Variants in ZNF76 observed in about 807,000 individuals in gnomAD.
ZNF76 encodes zinc finger protein 523.
A neutral mutation model predicts 66.9 loss-of-function variants in ZNF76; 66 were observed. The observed-to-expected ratio is 0.99, with a 90% CI of 0.81 to 1.21. The LOEUF (loss-of-function observed/expected upper bound fraction) is 1.21. Ranked by LOEUF, ZNF76 falls within the 50% of genes most tolerant of loss-of-function variation. The pLI, the probability that ZNF76 is intolerant of heterozygous loss-of-function variation, is 0.00. For synonymous variants in ZNF76, 275 were observed against 296.1 expected (o/e 0.93, Z 0.73); for missense variants, 729 against 760.3 (o/e 0.96, Z 0.48).
At position 35,295,300 on chromosome 6, in the gene ZNF76, GC is replaced by G; in HGVS notation, c.*54del. 6.8e-7 allele frequency: 1 copy of G among 1,462,176 alleles called. No homozygotes were observed. The highest frequency in any genetic ancestry group is 9.3e-7 in the Non-Finnish European group (1 of 1,070,136). The allele number at this position is 1,462,176 out of a possible 1,614,324, so 90.6% of individuals were successfully genotyped here. A position where few individuals can be genotyped will look rare whatever the true frequency, so the allele number is the denominator to read the frequency against. ...TGCTGGAGGAAGTGCCATCTGCATGGCCACTCTTGCCCCCAAGGGCCCAGGC... is the reference window on the plus strand; with the variant it reads ...TGCTGGAGGAAGTGCCATCTGCATGGCACTCTTGCCCCCAAGGGCCCAGGC... On this transcript the variant is annotated 3_prime_UTR_variant, in exon 14 of 14. Transcript: ENST00000373953.
At chr6:35,288,372 C>T (rs956167452) in intron 5 of ZNF76, 13 of 351,780 alleles carry the variant, frequency 3.7e-5, no homozygotes, top group African/African-American at 2.6e-4. Flanking sequence ...CACAGTAGCT[C>T]AGCTGGAAAG....
In ZNF76 at chr6:35,292,576, G is replaced by A. The variant is rs761177970; in HGVS notation, c.954G>A (p.Thr318=). 1.2e-5 allele frequency: 19 copies of A among 1,612,468 alleles called. No homozygotes were observed. The highest frequency in any genetic ancestry group is 1.1e-4 in the South Asian group (10 of 91,046). The part of the protein sequence containing the change: ...IHTGEKPYVC[T]VPGCGKRFTE... ...CAGGGGAGAAGCCATACGTTTGCAC[G>A]GTGCCAGGCTGCGGGAAACGCTTCA... is the stretch of plus-strand genomic sequence containing the variant. The change falls in exon 10 of 14, where the codon ACG becomes ACA. Residue 318 remains threonine, a synonymous_variant. Coordinates refer to ENST00000373953, the MANE Select transcript of ZNF76 (RefSeq NM_003427.5). This position sits in a 1 kb window ranked among gnomAD's most constrained non-coding sequence, Gnocchi z 4.7.
intron 1 of ZNF76, among the ~76,000 whole-genome samples, chr6:35,274,158 A>G (rs902029382): frequency 6.6e-6 from 1 of 152,164 alleles, no homozygotes; most frequent in Admixed American, 6.5e-5. Flanking sequence ...TTCTCATGAG[A>G]AGTTTTCTAT....
At chr6:35,273,162 AAAAC>A (rs1215935157) in intron 1 of ZNF76, among the ~76,000 whole-genome samples, 11 of 148,830 alleles carry the variant, frequency 7.4e-5, no homozygotes, top group Admixed American at 3.4e-4. Context: ...TCTCAGAAAA[AAAAC>A]AAAAAACAAA....
At chr6:35,288,861 G>A (rs918939147) in intron 5 of ZNF76, among the ~76,000 whole-genome samples, 8 of 151,582 alleles carry the variant, frequency 5.3e-5, no homozygotes, top group African/African-American at 1.7e-4. Flanking sequence ...ACTGGGAAGC[G>A]GAGGTGGGAG....
Position 35,287,818 on chromosome 6 carries a change from G to C in ZNF76, c.405G>C (p.Val135=), listed in dbSNP as rs1460682469. ...ATGAGGGCTTCAGTGCAGACGCAGT[G>C]GTGGCCCTGGAGCAGTATGCCAGCA... ...EDDEGFSADA[V]VALEQYASKV... is the part of the protein sequence containing the mutation. Residue 135 remains valine (V), a synonymous_variant, in exon 5 of 14, where the codon GTG becomes GTC. Transcript: ENST00000373953. The surrounding 1 kb of genome is among the most constrained non-coding windows in gnomAD (Gnocchi z 4.0). The C allele has an allele frequency of 6.2e-7, 1 of 1,605,486 alleles. No homozygotes were observed. Among genetic ancestry groups the C allele is most frequent in the East Asian group, 2.3e-5 (1 of 44,112 alleles).
chr6:35,260,797 T>C (rs576738957), intron 1 of ZNF76, among the ~76,000 whole-genome samples: 82 of 152,320 alleles, frequency 5.4e-4, no homozygotes, highest in South Asian at 8.3e-4. Context: ...TGTGAAATTA[T>C]GCAGTTCTCA....
At chr6:35,263,769 G>A (rs535021593) in intron 1 of ZNF76, among the ~76,000 whole-genome samples, 129 of 152,096 alleles carry the variant, frequency 8.5e-4, no homozygotes, top group African/African-American at 3.1e-3. Flanking sequence ...TTTTCTTTTC[G>A]AGATGGAGTC....
Position 35,290,125 on chromosome 6 carries a change from C to G in ZNF76, c.433-141C>G, listed in dbSNP as rs563469384. 3 of 1,098,510 alleles carry G rather than the reference C, an allele frequency of 2.7e-6. No individual in the cohort carries two copies. In the Admixed American group the frequency reaches 6.8e-5, roughly 25 times the overall value. The allele number at this position is 1,098,510 out of a possible 1,614,324, so 68.0% of individuals were successfully genotyped here. ...CATGCCCCAGCATCTGTTCCTTGTC[C>G]GTCTAGTTATGTTCTTCTGCCCCAG... On this transcript the variant is annotated intron_variant, in intron 5 of 13. Coordinates refer to ENST00000373953, the MANE Select transcript of ZNF76 (RefSeq NM_003427.5).
At chr6:35,283,602 C>A (rs1789102420) in intron 2 of ZNF76, among the ~76,000 whole-genome samples, 1 of 152,168 alleles carries the variant, frequency 6.6e-6, no homozygotes, top group East Asian at 1.9e-4. Context: ...TCCCCACTGC[C>A]TCTCTCCATT....
intron 13 of ZNF76, 24 bp from the exon 14 acceptor site, chr6:35,295,120 C>G: frequency 6.3e-7 from 1 of 1,589,454 alleles, no homozygotes; most frequent in African/African-American, 1.3e-5. Flanking sequence ...CTGTCTCCTT[C>G]CTTCTGCACC....
chr6:35,266,198 G>A (rs1276595243), intron 1 of ZNF76, among the ~76,000 whole-genome samples: 4 of 151,366 alleles, frequency 2.6e-5, no homozygotes, highest in South Asian at 2.1e-4. Flanking sequence ...TGTCGCCCAC[G>A]GTGGAGTGCA....
intron 1 of ZNF76, among the ~76,000 whole-genome samples, chr6:35,273,228 A>G (rs1787394957): frequency 6.6e-6 from 1 of 150,770 alleles, no homozygotes; most frequent in Non-Finnish European, 1.5e-5. Flanking sequence ...TCTGGAGTGC[A>G]GTGGTGTGAT....
chr6:35,266,903 C>T (rs1468229079), intron 1 of ZNF76, among the ~76,000 whole-genome samples: 1 of 149,228 alleles, frequency 6.7e-6, no homozygotes, highest in Non-Finnish European at 1.5e-5. Flanking sequence ...CGGGTTCACG[C>T]CATTCTCCTG....
intron 5 of ZNF76, 21 bp from the exon 6 acceptor site, chr6:35,290,245 A>T (rs1003865171): frequency 1.2e-6 from 2 of 1,613,916 alleles, no homozygotes; most frequent in Non-Finnish European, 1.7e-6. Flanking sequence ...ACATATAGGG[A>T]TCTCAAGACT....
Position 35,291,616 on chromosome 6 carries a change from C to T in ZNF76, c.810C>T (p.Asn270=), listed in dbSNP as rs1215432169. ...GTGGCCGCTCCTTCACCACATCTAA[C>T]ATCCGCAAGGTACATGTGCGCACCC... The part of the protein sequence containing the change: ...EGCGRSFTTS[N]IRKVHVRTHT... The change falls in exon 9 of 14, where the codon AAC becomes AAT. Residue 270 remains asparagine (N), a synonymous_variant. Transcript: ENST00000373953. 1.2e-6 allele frequency: 2 copies of T among 1,613,990 alleles called. No homozygotes were observed. Among genetic ancestry groups the T allele is most frequent in the East Asian group, 2.2e-5 (1 of 44,892 alleles).
chr6:35,295,408 G>A lies in ZNF76; in HGVS notation c.*160G>A, dbSNP rs1009998523. The A allele has an allele frequency of 1.4e-6, 1 of 699,944 alleles. No homozygotes were observed. The allele number at this position is 699,944 out of a possible 1,614,324, so 43.4% of individuals were successfully genotyped here. On this transcript the variant is annotated 3_prime_UTR_variant, in exon 14 of 14. Coordinates refer to ENST00000373953, the MANE Select transcript of ZNF76 (RefSeq NM_003427.5). The stretch of plus-strand genomic sequence containing the variant: ...AAAACTGCCTAACTGAAGGGAATGG[G>A]GGCCCTGCTCAAGAAGGGGGCCAGG...
At chr6:35,285,422 C>T (rs2150365717) in intron 2 of ZNF76, among the ~76,000 whole-genome samples, 1 of 152,320 alleles carries the variant, frequency 6.6e-6, no homozygotes, top group Admixed American at 6.5e-5. Flanking sequence ...TTATTGAGGG[C>T]TGACCATATA....
intron 1 of ZNF76, among the ~76,000 whole-genome samples, chr6:35,280,667 T>C (rs1377487018): frequency 6.6e-6 from 1 of 152,112 alleles, no homozygotes; most frequent in Non-Finnish European, 1.5e-5. Flanking sequence ...GGATGTTCCC[T>C]GAGGATGGTT....
Sources: allele counts gnomAD v4.1 joint callset (sites outside exome capture counted in the v4.1 genomes callset), GRCh38; gene constraint gnomAD v4.1.1; non-coding constraint Gnocchi (gnomAD v3.1); transcripts MANE v1.5; gene names NCBI Gene and HGNC (gene_info 2026-07-23, HGNC 2026-07-21).